Variants in RGS7 observed in about 807,000 individuals in gnomAD.
RGS7 encodes the protein regulator of G protein signaling 7.
Under a neutral mutation model 81.1 loss-of-function variants are expected in RGS7, and 27 were observed. The ratio of observed to expected loss-of-function variants is 0.33; its 90% CI spans 0.25 to 0.46. RGS7 has a LOEUF of 0.46. RGS7 is among the 20% of genes least tolerant of loss of function. RGS7 has a pLI of 1.00. For missense variants in RGS7, 396 were observed against 607.4 expected (o/e 0.65, Z 3.66); for synonymous variants, 208 against 207.7 (o/e 1.00, Z -0.01).
intron 3 of RGS7, among the ~76,000 whole-genome samples, chr1:241,046,400 A>G (rs759865563): frequency 1.1e-4 from 17 of 152,174 alleles, no homozygotes; most frequent in South Asian, 6.2e-4. Flanking sequence ...AAAACCAAAT[A>G]CTACATGTTC....
In RGS7 at chr1:241,164,189, GCTTCCATGAC is replaced by G. The variant is rs1175160003; in HGVS notation, c.79-65437_79-65428del. ...TGAGGTATGGAGGAAGGGTTGTGGA[GCTTCCATGAC>G]CTTCCTGAATGGCTCCACCCTCCAG... On this transcript the variant is annotated intron_variant, in intron 2 of 18. Transcript: ENST00000440928. The surrounding 1 kb of genome is among the most constrained non-coding windows in gnomAD (Gnocchi z 4.1). Among the ~76,000 whole-genome samples, 1 of 152,012 alleles carries G rather than the reference GCTTCCATGAC, an allele frequency of 6.6e-6. No individual in the cohort carries two copies. Among genetic ancestry groups the G allele is most frequent in the African/African-American group, 2.4e-5 (1 of 41,416 alleles).
At chr1:241,234,361 C>T (rs934791636) in intron 2 of RGS7, among the ~76,000 whole-genome samples, 1 of 152,316 alleles carries the variant, frequency 6.6e-6, no homozygotes. Flanking sequence ...TTTCTGGCCC[C>T]GCTTGCCATT....
chr1:240,778,593 C>A (rs149051208), intron 18 of RGS7, among the ~76,000 whole-genome samples: 1 of 152,154 alleles, frequency 6.6e-6, no homozygotes, highest in African/African-American at 2.4e-5. Flanking sequence ...AGTGCAGTGG[C>A]GAAATCTCGG....
chr1:240,912,067 C>T (rs1032961991), intron 6 of RGS7, among the ~76,000 whole-genome samples: 7 of 133,016 alleles, frequency 5.3e-5, no homozygotes, highest in South Asian at 2.5e-4. Context: ...AAGAGAATGG[C>T]GTGAACCCAT....
intron 4 of RGS7, among the ~76,000 whole-genome samples, chr1:240,970,684 T>G (rs7546456): frequency 0.41 from 62,043 of 151,668 alleles, 13,160 homozygotes; most frequent in East Asian, 0.67. Context: ...ATTCTTGGTG[T>G]TGTTAAATGT....
chr1:241,204,073 G>T (rs2073711318), intron 2 of RGS7, among the ~76,000 whole-genome samples: 1 of 152,216 alleles, frequency 6.6e-6, no homozygotes, highest in Admixed American at 6.5e-5. Context: ...TATAGGAGTT[G>T]CCCAGTTTGT....
At chr1:241,134,650 T>A (rs1021397272) in intron 2 of RGS7, among the ~76,000 whole-genome samples, 1 of 152,134 alleles carries the variant, frequency 6.6e-6, no homozygotes, top group African/African-American at 2.4e-5. Context: ...CGAGGGAAAG[T>A]GCCCTACTTT....
At position 241,271,275 on chromosome 1, in the gene RGS7, C is replaced by G. The variant is rs1298235534; in HGVS notation, c.78+84424G>C. ...TCACCCAAGAATGACCTCCAAGTTT[C>G]CTGACATACTTGACGGGGGAGACTG... is the stretch of plus-strand genomic sequence containing the variant. On this transcript the variant is annotated intron_variant, in intron 2 of 18. Transcript: ENST00000440928. The surrounding 1 kb of genome is among the most constrained non-coding windows in gnomAD (Gnocchi z 4.6). Among the ~76,000 whole-genome samples, 3 of 152,122 alleles carry G rather than the reference C, an allele frequency of 2.0e-5. No individual in the cohort carries two copies. Among genetic ancestry groups the G allele is most frequent in the African/African-American group, 7.2e-5 (3 of 41,410 alleles).
intron 3 of RGS7, among the ~76,000 whole-genome samples, chr1:241,064,633 T>C (rs2459936): frequency 0.97 from 148,071 of 151,910 alleles, 72,271 homozygotes; most frequent in East Asian, 1. Flanking sequence ...AGGTGGCTCA[T>C]GCCTGTAATC....
At chr1:241,077,868 C>T (rs1398996218) in intron 3 of RGS7, among the ~76,000 whole-genome samples, 1 of 152,058 alleles carries the variant, frequency 6.6e-6, no homozygotes, top group East Asian at 1.9e-4. Flanking sequence ...ACCGGGGTGA[C>T]TTTTCTTCAA....
chr1:241,188,313 A>AC lies in RGS7; in HGVS notation c.79-89552_79-89551insG, dbSNP rs397748678. On this transcript the variant is annotated intron_variant, in intron 2 of 18. Coordinates refer to ENST00000440928, the MANE Select transcript of RGS7 (RefSeq NM_001364886.1). ...CACACACACACACACACACACACAC[A>AC]AAAAGAGACAGACCTTAAACAATTA... 2.1e-3 allele frequency among the ~76,000 whole-genome samples: 213 copies of AC among 101,378 alleles called. 1 individual carries two copies. Among genetic ancestry groups the AC allele is most frequent in the Middle Eastern group, 5.1e-3 (1 of 196 alleles). 66.5% of individuals were successfully genotyped at this position (101,378 alleles called of 152,430 possible). A position where few individuals can be genotyped will look rare whatever the true frequency, so the allele number is the denominator to read the frequency against.
At chr1:240,893,214 A>T (rs1331427964) in intron 6 of RGS7, among the ~76,000 whole-genome samples, 1 of 152,178 alleles carries the variant, frequency 6.6e-6, no homozygotes, top group Non-Finnish European at 1.5e-5. Flanking sequence ...ACGGTTGTTG[A>T]GTCTTAAAGG....
At chr1:240,988,942 G>C (rs75813712) in intron 3 of RGS7, among the ~76,000 whole-genome samples, 7,983 of 152,086 alleles carry the variant, frequency 0.052, 264 homozygotes, top group South Asian at 0.1. Context: ...CATTAACACC[G>C]GACAAGGCCA....
chr1:240,835,131 CTTCTG>C (rs1193166197), intron 9 of RGS7, among the ~76,000 whole-genome samples: 1 of 152,064 alleles, frequency 6.6e-6, no homozygotes, highest in African/African-American at 2.4e-5. Context: ...AAATTAAAAA[CTTCTG>C]TTCTGTGAAA....
chr1:240,998,574 A>G (rs1687654867), intron 3 of RGS7: 17 of 828,926 alleles, frequency 2.1e-5, no homozygotes, highest in South Asian at 2.0e-4. Context: ...TGGTACAGAT[A>G]GAGCCAGCTG....
intron 2 of RGS7, among the ~76,000 whole-genome samples, chr1:241,204,397 T>G (rs896063966): frequency 6.6e-6 from 1 of 152,194 alleles, no homozygotes; most frequent in Non-Finnish European, 1.5e-5. Context: ...TAAGATGTGG[T>G]GTGCAAGTTC....
intron 2 of RGS7, among the ~76,000 whole-genome samples, chr1:241,124,743 C>T (rs2066529430): frequency 6.6e-6 from 1 of 152,152 alleles, no homozygotes; most frequent in African/African-American, 2.4e-5. Flanking sequence ...CAGGAAGGGC[C>T]CCCTGGGAGC....
chr1:240,895,537 G>A (rs1051369183), intron 6 of RGS7, among the ~76,000 whole-genome samples: 10 of 152,020 alleles, frequency 6.6e-5, no homozygotes, highest in African/African-American at 2.4e-4. Flanking sequence ...AACATGCGGT[G>A]CTTGGTTTTC....
chr1:241,018,519 A>AT (rs986204036), intron 3 of RGS7, among the ~76,000 whole-genome samples: 4 of 151,230 alleles, frequency 2.6e-5, no homozygotes, highest in East Asian at 1.9e-4. Context: ...TTTTGTTTCT[A>AT]TTTTTTTGTC....
Sources: gnomAD v4.1 joint callset for allele counts (sites outside exome capture counted in the v4.1 genomes callset) on GRCh38, gnomAD v4.1.1 for gene constraint, Gnocchi (gnomAD v3.1) non-coding constraint, MANE v1.5 for transcripts, NCBI Gene and HGNC (gene_info 2026-07-23, HGNC 2026-07-21) for gene names.